Variants in AMZ1 observed in about 807,000 individuals in gnomAD.
AMZ1 encodes the protein archaelysin family metallopeptidase 1, also known as archaemetzincin-1.
Under a neutral mutation model 29.9 loss-of-function variants are expected in AMZ1, and 39 were observed. That is an observed-to-expected ratio of 1.30 (90% CI 1.01 to 1.70). The LOEUF (loss-of-function observed/expected upper bound fraction) is 1.70, where lower values mean the gene tolerates loss of function less well. Ranked by LOEUF, AMZ1 falls within the 40% of genes most tolerant of loss-of-function variation. The pLI is 0.00. For missense variants in AMZ1, 1,041 were observed against 680.6 expected (o/e 1.53, Z -5.89); for synonymous variants, 458 against 304.0 (o/e 1.51, Z -5.27).
chr7:2,710,690 A>C (rs917991562), intron 6 of AMZ1, among the ~76,000 whole-genome samples: 1 of 152,212 alleles, frequency 6.6e-6, no homozygotes, highest in African/African-American at 2.4e-5. Context: ...TCCTCTCTGA[A>C]GACTCTGGCA....
chr7:2,711,802 G>A (rs1788796909), intron 6 of AMZ1, among the ~76,000 whole-genome samples: 1 of 152,164 alleles, frequency 6.6e-6, no homozygotes, highest in African/African-American at 2.4e-5. Context: ...CCAGCACTTT[G>A]GGAGGCGGAG....
At chr7:2,712,255 G>C in intron 6 of AMZ1, 75 bp from the exon 7 acceptor site, 3 of 1,444,312 alleles carry the variant, frequency 2.1e-6, no homozygotes, top group Non-Finnish European at 1.8e-6. Flanking sequence ...CCTTAGGTAA[G>C]GAGGTCTCCT....
At chr7:2,701,115 C>T (rs753183807) in intron 2 of AMZ1, among the ~76,000 whole-genome samples, 15 of 152,276 alleles carry the variant, frequency 9.9e-5, no homozygotes, top group Middle Eastern at 3.4e-3. Flanking sequence ...CCTGTAATCC[C>T]AGCTATTCAG....
chr7:2,729,639 A>G (rs902467137), intron 4 of AMZ1: 1 of 152,344 alleles, frequency 6.6e-6, no homozygotes, highest in Non-Finnish European at 1.5e-5. Context: ...GCCAAGGGTG[A>G]GCTGCAGAGG....
chr7:2,734,993 G>A (rs771099092), intron 4 of AMZ1, among the ~76,000 whole-genome samples: 5 of 152,222 alleles, frequency 3.3e-5, no homozygotes, highest in African/African-American at 4.8e-5. Flanking sequence ...GGAAGCCAGC[G>A]TGAGGCCGGT....
intron 3 of AMZ1, among the ~76,000 whole-genome samples, chr7:2,705,765 C>T (rs1047807657): frequency 6.6e-6 from 1 of 152,242 alleles, no homozygotes; most frequent in Non-Finnish European, 1.5e-5. Flanking sequence ...CTACACTCCA[C>T]AGGCTTCCCC....
chr7:2,716,062 G>A lies in AMZ1; in HGVS notation c.*3184G>A, dbSNP rs1583185774. ...ACCCATCTTGGTAAGCCAAGTCAGC[G>A]GGGCCTCATGGAGCTAAAAATAGTT... On this transcript the variant is annotated 3_prime_UTR_variant, in exon 7 of 7. Coordinates refer to ENST00000683327, the MANE Select transcript of AMZ1 (RefSeq NM_001384743.1). 1 of 152,192 alleles carries A rather than the reference G, an allele frequency of 6.6e-6. No homozygotes were observed. The highest frequency in any genetic ancestry group is 6.5e-5 in the Admixed American group (1 of 15,272). 9.4% of individuals were successfully genotyped at this position (152,192 alleles called of 1,614,324 possible).
intron 6 of AMZ1, among the ~76,000 whole-genome samples, chr7:2,710,513 G>A (rs1038778567): frequency 6.6e-6 from 1 of 152,174 alleles, no homozygotes; most frequent in Non-Finnish European, 1.5e-5. Flanking sequence ...GAGGCAAGTG[G>A]GGGTGTGGTT....
intron 6 of AMZ1, among the ~76,000 whole-genome samples, chr7:2,711,465 C>G (rs1318799627): frequency 1.3e-5 from 2 of 152,198 alleles, no homozygotes; most frequent in Admixed American, 1.3e-4. Flanking sequence ...AACAGATGTG[C>G]AGTGGGACCT....
At chr7:2,710,653 C>T (rs1173111522) in intron 6 of AMZ1, among the ~76,000 whole-genome samples, 1 of 152,196 alleles carries the variant, frequency 6.6e-6, no homozygotes, top group Non-Finnish European at 1.5e-5. Flanking sequence ...ATTTCTAGCT[C>T]ACAGTGCTGG....
intron 6 of AMZ1, among the ~76,000 whole-genome samples, chr7:2,711,427 A>C (rs1475373559): frequency 1.3e-5 from 2 of 152,322 alleles, no homozygotes; most frequent in East Asian, 3.9e-4. Flanking sequence ...TGAGCTCCCA[A>C]TGTGATGTCA....
Position 2,731,454 on chromosome 7 carries a change from G to T in AMZ1, n.550+21638G>T, listed in dbSNP as rs748012133. The T allele has an allele frequency of 6.2e-7, 1 of 1,613,980 alleles. No homozygotes were observed. Among genetic ancestry groups the T allele is most frequent in the Non-Finnish European group, 8.5e-7 (1 of 1,179,902 alleles). On this transcript the variant is annotated intron_variant and non_coding_transcript_variant, in intron 4 of 4. Coordinates refer to the AMZ1 transcript ENST00000489665. This position sits in a 1 kb window ranked among gnomAD's most constrained non-coding sequence, Gnocchi z 6.0. ...GGTCCATCTTGTTGAGGAAGAGAAT[G>T]ATGGAGACGTTGAAGAAGAGCTTGT...
chr7:2,720,703 TAAAAAA>T (rs953702386), downstream of AMZ1, among the ~76,000 whole-genome samples: 6 of 147,952 alleles, frequency 4.1e-5, no homozygotes, highest in Non-Finnish European at 7.5e-5. Flanking sequence ...GCCCAGCCTT[TAAAAAA>T]AAAAAATTAT....
chr7:2,697,239 G>A lies in AMZ1; in HGVS notation c.-218-2995G>A, dbSNP rs190700034. ...TGCCTCTTGAGTAGCTGGGATTACA[G>A]GCACGTGTCACCACGCCCGGCTAAT... On this transcript the variant is annotated intron_variant, in intron 1 of 6. Transcript: ENST00000683327. Among the ~76,000 whole-genome samples the A allele has an allele frequency of 1.8e-3, 271 of 152,202 alleles. 1 individual carries two copies. The highest frequency in any genetic ancestry group is 6.4e-3 in the African/African-American group (265 of 41,536).
chr7:2,752,898 T>C (rs1335283678), intron 4 of AMZ1, among the ~76,000 whole-genome samples: 1 of 152,168 alleles, frequency 6.6e-6, no homozygotes, highest in Non-Finnish European at 1.5e-5. Flanking sequence ...GTGTGTGTGG[T>C]TCCATGCACT....
At chr7:2,690,675 G>C (rs190628069) in intron 1 of AMZ1, among the ~76,000 whole-genome samples, 1 of 152,250 alleles carries the variant, frequency 6.6e-6, no homozygotes, top group South Asian at 2.1e-4. Flanking sequence ...CTCTGTGGTC[G>C]TGGCTCCTCT....
chr7:2,685,565 A>T (rs781198997), upstream of AMZ1, among the ~76,000 whole-genome samples: 254 of 151,012 alleles, frequency 1.7e-3, no homozygotes, highest in Non-Finnish European at 3.2e-3. Context: ...GTCTCAAAAA[A>T]AAAAAAAGGC....
intron 6 of AMZ1, among the ~76,000 whole-genome samples, chr7:2,711,006 A>G (rs989673611): frequency 2.6e-5 from 4 of 152,138 alleles, no homozygotes; most frequent in Non-Finnish European, 5.9e-5. Context: ...GTCTTGTGCA[A>G]CCATCTGACA....
At chr7:2,723,899 G>A (rs1308420464), downstream of AMZ1, among the ~76,000 whole-genome samples, 2 of 152,068 alleles carry the variant, frequency 1.3e-5, no homozygotes, top group Non-Finnish European at 1.5e-5. Flanking sequence ...ACTTTCCCTC[G>A]ACTGGACTTC....
Sources: allele counts gnomAD v4.1 joint callset (sites outside exome capture counted in the v4.1 genomes callset), GRCh38; gene constraint gnomAD v4.1.1; non-coding constraint Gnocchi (gnomAD v3.1); transcripts MANE v1.5; gene names NCBI Gene and HGNC (gene_info 2026-07-23, HGNC 2026-07-21).